Variants in TNS1 observed in about 807,000 individuals in gnomAD.
TNS1 encodes tensin 1.
Under a neutral mutation model 168.6 loss-of-function variants are expected in TNS1, and 62 were observed. The ratio of observed to expected loss-of-function variants is 0.37; its 90% CI spans 0.30 to 0.45. The LOEUF (loss-of-function observed/expected upper bound fraction) is 0.45. Among genes scored for constraint, TNS1 ranks in the 20% least tolerant of loss-of-function variants. The pLI is 1.00. For synonymous variants in TNS1, 934 were observed against 933.2 expected (o/e 1.00, Z -0.02); for missense variants, 2,240 against 2,339.4 (o/e 0.96, Z 0.88).
At chr2:218,030,108 T>C (rs1436916463) in intron 1 of TNS1, among the ~76,000 whole-genome samples, 2 of 152,046 alleles carry the variant, frequency 1.3e-5, no homozygotes, top group Admixed American at 6.5e-5. Flanking sequence ...CTGCCCTGCC[T>C]CCCAGGCACC....
At chr2:217,884,977 C>T (rs1574947326) in intron 16 of TNS1, 58 bp downstream of exon 16, 3 of 1,606,940 alleles carry the variant, frequency 1.9e-6, no homozygotes, top group East Asian at 2.2e-5. Flanking sequence ...TCGTCTCAAA[C>T]TGAGCTCCTC....
chr2:217,806,769 T>G (rs1939192404), intron 32 of TNS1, among the ~76,000 whole-genome samples: 3 of 152,240 alleles, frequency 2.0e-5, no homozygotes, highest in African/African-American at 7.2e-5. Flanking sequence ...GCATTCTCAC[T>G]AGCCTCCTCC....
At chr2:218,001,763 C>T (rs76480788) in intron 1 of TNS1, among the ~76,000 whole-genome samples, 3,111 of 151,604 alleles carry the variant, frequency 0.021, 40 homozygotes, top group Non-Finnish European at 0.029. Context: ...GCCCAGAGGA[C>T]ACCTGGCTGC....
intron 21 of TNS1, among the ~76,000 whole-genome samples, chr2:217,832,471 CTG>C (rs1944575375): frequency 6.6e-6 from 1 of 152,200 alleles, no homozygotes; most frequent in African/African-American, 2.4e-5. Flanking sequence ...AAAATGAACT[CTG>C]TGTCTCCTAT....
intron 3 of TNS1, among the ~76,000 whole-genome samples, chr2:217,974,445 C>G (rs939197058): frequency 5.9e-5 from 9 of 152,178 alleles, no homozygotes; most frequent in African/African-American, 2.2e-4. Flanking sequence ...TTCCTTTATT[C>G]TATCCTTTTA....
At chr2:217,943,996 G>A (rs575339257) in intron 3 of TNS1, 1 of 153,260 alleles carries the variant, frequency 6.5e-6, no homozygotes, top group South Asian at 2.1e-4. Context: ...AGAAGGCAGC[G>A]AGTGAGCCTG....
intron 11 of TNS1, 110 bp from the exon 12 acceptor site, chr2:217,891,155 CT>C (rs1344472428): frequency 4.9e-6 from 5 of 1,011,350 alleles, no homozygotes; most frequent in African/African-American, 1.6e-5. Flanking sequence ...CAAAGAGCAC[CT>C]TTGTCCTGGA....
At chr2:217,805,865 AAC>A (rs1330612729) in intron 32 of TNS1, among the ~76,000 whole-genome samples, 4 of 129,844 alleles carry the variant, frequency 3.1e-5, no homozygotes, top group Non-Finnish European at 6.5e-5. Context: ...ACAACACGCA[AAC>A]ACAACATATA....
At chr2:217,920,284 A>T (rs1305805324) in intron 3 of TNS1, 48 bp from the exon 4 acceptor site, 1 of 702,866 alleles carries the variant, frequency 1.4e-6, no homozygotes, top group Non-Finnish European at 2.6e-6. Flanking sequence ...TTGTCTCTAG[A>T]GACAGCCAGC....
At position 217,965,685 on chromosome 2, in the gene TNS1, A is replaced by G. The variant is rs1277897621; in HGVS notation, c.186+13080T>C. ...AGGAGGCAAGGAGCTGCTACTCACC[A>G]CTGCCAGGCTCACCACACCCCGGGA... On this transcript the variant is annotated intron_variant, in intron 3 of 32. Coordinates refer to ENST00000682258, the MANE Select transcript of TNS1 (RefSeq NM_001387777.1). 3.3e-5 allele frequency among the ~76,000 whole-genome samples: 5 copies of G among 152,230 alleles called. No individual in the cohort carries two copies. In the East Asian group the frequency reaches 9.6e-4, roughly 29 times the overall value.
chr2:218,013,063 C>T (rs1038853508), upstream of TNS1, among the ~76,000 whole-genome samples: 11 of 151,142 alleles, frequency 7.3e-5, no homozygotes, highest in Non-Finnish European at 1.2e-4. Context: ...GCCTGGCCAA[C>T]GTGGTGAAAC....
At chr2:217,885,012 C>T (rs367599104) in intron 16 of TNS1, 23 bp downstream of exon 16, 1 of 1,613,736 alleles carries the variant, frequency 6.2e-7, no homozygotes, top group African/African-American at 1.3e-5. Context: ...GTGCCCACCC[C>T]CAGCTCCACT....
At chr2:217,906,269 A>ACC in intron 6 of TNS1, 66 bp downstream of exon 6, 1 of 514,434 alleles carries the variant, frequency 1.9e-6, no homozygotes, top group Admixed American at 2.7e-5. Context: ...TCCACCTCCC[A>ACC]CCCCACCCCA....
At chr2:218,007,570 G>T (rs1465531562), upstream of TNS1, among the ~76,000 whole-genome samples, 326 of 127,402 alleles carry the variant, frequency 2.6e-3, 1 homozygote, top group Non-Finnish European at 4.8e-3. Context: ...GGGGGGTGGG[G>T]GGGGGGGTTC....
chr2:217,985,953 C>T (rs1958183443), intron 2 of TNS1, among the ~76,000 whole-genome samples: 1 of 152,208 alleles, frequency 6.6e-6, no homozygotes, highest in Non-Finnish European at 1.5e-5. Flanking sequence ...TTGGATTCAT[C>T]TCTTTCTTAC....
intron 3 of TNS1, among the ~76,000 whole-genome samples, chr2:217,953,664 C>A (rs1210275498): frequency 6.6e-6 from 1 of 152,150 alleles, no homozygotes; most frequent in South Asian, 2.1e-4. Context: ...AGCCCGCTCC[C>A]ACCTCCACAA....
intron 16 of TNS1, 151 bp downstream of exon 16, chr2:217,884,884 G>A: frequency 1.0e-6 from 1 of 960,738 alleles, no homozygotes; most frequent in Admixed American, 3.0e-5. Context: ...TCTCTCCCAA[G>A]TCTCTCTCAA....
At chr2:217,899,933 A>G (rs1445695341) in intron 7 of TNS1, among the ~76,000 whole-genome samples, 3 of 152,148 alleles carry the variant, frequency 2.0e-5, no homozygotes, top group Non-Finnish European at 4.4e-5. Flanking sequence ...AGGGCAAAAC[A>G]AACTCTCTGG....
At chr2:217,899,380 C>T (rs1325533537) in intron 7 of TNS1, among the ~76,000 whole-genome samples, 1 of 152,190 alleles carries the variant, frequency 6.6e-6, no homozygotes, top group African/African-American at 2.4e-5. Context: ...ACTGCCTACC[C>T]AAGGACAGTT....
Sources: gnomAD v4.1 joint callset for allele counts (sites outside exome capture counted in the v4.1 genomes callset) on GRCh38, gnomAD v4.1.1 for gene constraint, MANE v1.5 for transcripts, NCBI Gene and HGNC (gene_info 2026-07-23, HGNC 2026-07-21) for gene names.